The following ABHD5 variants were observed in gnomAD, a reference collection of about 807,000 sequenced individuals.
ABHD5 encodes abhydrolase domain containing 5, lysophosphatidic acid acyltransferase.
In ABHD5, 30 loss-of-function variants were observed where a neutral mutation model predicts 44.9. The observed-to-expected ratio is 0.67, with a 90% CI of 0.50 to 0.91. The LOEUF is 0.91. Ranked by LOEUF, ABHD5 falls within the 40% of genes least tolerant of loss-of-function variation. The pLI, the probability that ABHD5 is intolerant of heterozygous loss-of-function variation, is 0.00. For missense variants in ABHD5, 399 were observed against 423.4 expected, an observed-to-expected ratio of 0.94 and a Z score of 0.50; for synonymous variants, 167 against 147.0, an observed-to-expected ratio of 1.14 and a Z score of -0.99.
At chr3:43,722,878 A>G (rs528721737), downstream of ABHD5, among the ~76,000 whole-genome samples, 4 of 152,328 alleles carry the variant, frequency 2.6e-5, no homozygotes, top group East Asian at 7.7e-4. Context: ...GAATCGTATG[A>G]TTTATTTTTA....
intron 4 of ABHD5, 119 bp downstream of exon 4, chr3:43,711,982 C>A (rs1367366684): frequency 9.9e-6 from 13 of 1,309,284 alleles, no homozygotes; most frequent in Non-Finnish European, 1.4e-5. Context: ...TACTTTTTCT[C>A]CTCTTCCTCT....
Position 43,702,617 on chromosome 3 carries a change from A to G in ABHD5, c.506+30A>G, listed in dbSNP as rs2084558769. On this transcript the variant is annotated intron_variant, in intron 3 of 6. Coordinates refer to ENST00000644371, the MANE Select transcript of ABHD5 (RefSeq NM_016006.6). ...GTGGTGGTGACAGAAGAGAGGGATT[A>G]TAACTGTGCTTCCAAGTACCAGACT... is the stretch of plus-strand genomic sequence containing the variant. 4 of 1,613,942 alleles carry G rather than the reference A, an allele frequency of 2.5e-6. No homozygotes were observed. In the African/African-American group the frequency reaches 4.0e-5, roughly 16 times the overall value.
In ABHD5 at chr3:43,721,228, G is replaced by A. The variant is rs1488443940; in HGVS notation, c.*2696G>A. The A allele has an allele frequency of 6.6e-6, 1 of 151,906 alleles. No individual in the cohort carries two copies. Among genetic ancestry groups the A allele is most frequent in the Non-Finnish European group, 1.5e-5 (1 of 67,972 alleles). 9.4% of individuals were successfully genotyped at this position (151,906 alleles called of 1,614,324 possible). The stretch of plus-strand genomic sequence containing the variant: ...TAAAAATGGTGTTGAGAGAAGTGTG[G>A]TTAACCATTTGGAAAAAAAAATAAA... On this transcript the variant is annotated 3_prime_UTR_variant, in exon 7 of 7. Coordinates refer to ENST00000644371, the MANE Select transcript of ABHD5 (RefSeq NM_016006.6).
chr3:43,718,323 A>G, intron 6 of ABHD5, 120 bp from the exon 7 acceptor site: 1 of 826,252 alleles, frequency 1.2e-6, no homozygotes. Context: ...TTTTTTAATC[A>G]CGTGTTTTAT....
intron 3 of ABHD5, among the ~76,000 whole-genome samples, chr3:43,703,598 A>G (rs1452203605): frequency 6.6e-6 from 1 of 152,220 alleles, no homozygotes; most frequent in East Asian, 1.9e-4. Flanking sequence ...CATCTTTTGG[A>G]AAGAAACAAC....
Position 43,719,836 on chromosome 3 carries a change from G to C in ABHD5, c.*1304G>C, listed in dbSNP as rs2084812506. 1 of 152,168 alleles carries C rather than the reference G, an allele frequency of 6.6e-6. No homozygotes were observed. The highest frequency in any genetic ancestry group is 1.5e-5 in the Non-Finnish European group (1 of 68,030). The allele number at this position is 152,168 out of a possible 1,614,324, so 9.4% of individuals were successfully genotyped here. A position where few individuals can be genotyped will look rare whatever the true frequency, so the allele number is the denominator to read the frequency against. On this transcript the variant is annotated 3_prime_UTR_variant, in exon 7 of 7. Transcript: ENST00000644371. The stretch of plus-strand genomic sequence containing the variant: ...TTTCGCTAACGTTGCTTGTCTAGGA[G>C]AAAGGTAGCTATGTAAATAAAAACA...
chr3:43,717,970 G>A (rs748243348), intron 6 of ABHD5, 113 bp downstream of exon 6: 136 of 1,398,858 alleles, frequency 9.7e-5, no homozygotes, highest in Non-Finnish European at 1.3e-4. Context: ...AGCCATACCT[G>A]CAGCCTCAGT....
At chr3:43,701,150 T>G (rs1227669706) in intron 2 of ABHD5, among the ~76,000 whole-genome samples, 1 of 152,174 alleles carries the variant, frequency 6.6e-6, no homozygotes, top group African/African-American at 2.4e-5. Flanking sequence ...TCTCTAATAG[T>G]TATACAGATG....
At chr3:43,722,853 C>T (rs902069170), downstream of ABHD5, 4 of 152,076 alleles carry the variant, frequency 2.6e-5, no homozygotes, top group Non-Finnish European at 5.9e-5. Context: ...AAAAGAGACA[C>T]AAGAATATAA....
At chr3:43,709,736 T>C (rs1369635657) in intron 3 of ABHD5, among the ~76,000 whole-genome samples, 1 of 152,072 alleles carries the variant, frequency 6.6e-6, no homozygotes, top group African/African-American at 2.4e-5. Flanking sequence ...CCAGATCTTA[T>C]TGTGGGCTAT....
chr3:43,712,267 C>T (rs1419489446), intron 4 of ABHD5, among the ~76,000 whole-genome samples: 4 of 152,112 alleles, frequency 2.6e-5, no homozygotes, highest in African/African-American at 4.8e-5. Context: ...TTGATGATAC[C>T]ATTTGGTACC....
chr3:43,699,626 A>G, intron 2 of ABHD5: 1 of 341,940 alleles, frequency 2.9e-6, no homozygotes, highest in Non-Finnish European at 5.5e-6. Flanking sequence ...CTTATTATCA[A>G]TATTTATCAT....
intron 1 of ABHD5, among the ~76,000 whole-genome samples, chr3:43,693,058 G>T (rs1349142490): frequency 6.6e-6 from 1 of 152,182 alleles, no homozygotes; most frequent in Non-Finnish European, 1.5e-5. Flanking sequence ...TTGCAATACA[G>T]TTGAGAAAGC....
chr3:43,691,233 C>T, intron 1 of ABHD5, 194 bp downstream of exon 1: 1 of 469,354 alleles, frequency 2.1e-6, no homozygotes, highest in Non-Finnish European at 3.4e-6. Context: ...GGAGAGGCTC[C>T]CCTCAGCGTC....
Position 43,711,770 on chromosome 3 carries a change from C to G in ABHD5, c.568C>G (p.Gln190Glu). The G allele has an allele frequency of 6.2e-7, 1 of 1,614,176 alleles. No individual in the cohort carries two copies. The highest frequency in any genetic ancestry group is 8.5e-7 in the Non-Finnish European group (1 of 1,180,024). ...CCCTGAACGACCAGACCTTGCTGAT[C>G]AAGACAGACCAATTCCAGTTTGGAT... ...GFPERPDLAD[Q>E]DRPIPVWIRA... Residue 190 changes from glutamine to glutamate, a missense_variant, in exon 4 of 7, where the codon CAA becomes GAA. Physicochemically the swap from Gln to Glu is conservative, Grantham distance 29. Transcript: ENST00000644371.
rs540610902 is a variant in ABHD5 at position 43,691,360 on chromosome 3, C to T, written c.47+321C>T. ...CCCCGCGGGCCGGCGACGGAGCTGG[C>T]CGCGGCGGCCGCACCGGCTCGGGCT... is the stretch of plus-strand genomic sequence containing the variant. On this transcript the variant is annotated intron_variant, in intron 1 of 6. Coordinates refer to ENST00000644371, the MANE Select transcript of ABHD5 (RefSeq NM_016006.6). 1,032 of 211,800 alleles carry T rather than the reference C, an allele frequency of 4.9e-3. 4 individuals are homozygous for T. The highest frequency in any genetic ancestry group is 0.013 in the Middle Eastern group (9 of 668). 13.1% of individuals were successfully genotyped at this position (211,800 alleles called of 1,614,324 possible). A position where few individuals can be genotyped will look rare whatever the true frequency, so the allele number is the denominator to read the frequency against.
intron 2 of ABHD5, chr3:43,699,645 C>A: frequency 3.9e-6 from 1 of 255,394 alleles, no homozygotes; most frequent in South Asian, 6.8e-5. Context: ...ATTTCTAATA[C>A]AATTAGAAAT....
intron 2 of ABHD5, 69 bp downstream of exon 2, chr3:43,699,430 G>A (rs894828567): frequency 3.7e-6 from 5 of 1,365,108 alleles, no homozygotes. Flanking sequence ...TCATTGCCCT[G>A]AAACTGGAGG....
At chr3:43,711,610 G>C in intron 3 of ABHD5, 99 bp from the exon 4 acceptor site, 1 of 1,353,152 alleles carries the variant, frequency 7.4e-7, no homozygotes, top group African/African-American at 1.4e-5. Context: ...GGTTTTTGAA[G>C]GTGGTTCATT....
Sources: allele counts gnomAD v4.1 joint callset (sites outside exome capture counted in the v4.1 genomes callset), GRCh38; gene constraint gnomAD v4.1.1; transcripts MANE v1.5; gene names NCBI Gene and HGNC (gene_info 2026-07-23, HGNC 2026-07-21).